BRWD1: variants seen among roughly 807,000 people sequenced by gnomAD.
BRWD1 encodes bromodomain and WD repeat domain containing 1, also known as bromodomain and WD repeat-containing protein 1.
Under a neutral mutation model 251.2 loss-of-function variants are expected in BRWD1, and 82 were observed. The ratio of observed to expected loss-of-function variants is 0.33; its 90% confidence interval spans 0.27 to 0.39. The LOEUF is 0.39. Among genes scored for constraint, BRWD1 ranks in the 10% least tolerant of loss-of-function variants. The pLI is 1.00. For missense variants in BRWD1, 2,233 were observed against 2,711.6 expected (o/e 0.82, Z 3.92); for synonymous variants, 918 against 902.8 (o/e 1.02, Z -0.30).
chr21:39,188,087 T>G lies in BRWD1; in HGVS notation c.*8172A>C, dbSNP rs1392833814. On this transcript the variant is annotated 3_prime_UTR_variant, in exon 41 of 41. Coordinates refer to ENST00000342449, the MANE Select transcript of BRWD1 (RefSeq NM_033656.4). Reference sequence around the variant, plus strand: ...AGCTACTACTCCGTGCTGACCAAACTTAGGAGGGCTCAGATATGTTTGTTA... The same window carrying G: ...AGCTACTACTCCGTGCTGACCAAACGTAGGAGGGCTCAGATATGTTTGTTA... The G allele has an allele frequency of 1.0e-6, 1 of 985,286 alleles. No individual in the cohort carries two copies. Among genetic ancestry groups the G allele is most frequent in the Non-Finnish European group, 1.2e-6 (1 of 829,936 alleles). The allele number at this position is 985,286 out of a possible 1,614,324, so 61.0% of individuals were successfully genotyped here. A position where few individuals can be genotyped will look rare whatever the true frequency, so the allele number is the denominator to read the frequency against.
chr21:39,207,553 C>T (rs774583505), intron 36 of BRWD1, among the ~76,000 whole-genome samples: 3 of 150,270 alleles, frequency 2.0e-5, no homozygotes, highest in African/African-American at 7.4e-5. Flanking sequence ...ACACTGCCAG[C>T]GGGAATGTAA....
chr21:39,276,531 C>T (rs1230354938), intron 11 of BRWD1, among the ~76,000 whole-genome samples: 2 of 152,116 alleles, frequency 1.3e-5, no homozygotes, highest in East Asian at 3.8e-4. Flanking sequence ...GTGGAAAGTG[C>T]TCAAAATATA....
intron 19 of BRWD1, among the ~76,000 whole-genome samples, chr21:39,251,377 A>C (rs1228935916): frequency 6.6e-6 from 1 of 152,198 alleles, no homozygotes; most frequent in East Asian, 1.9e-4. Flanking sequence ...AAAGCAAAGG[A>C]CCTGCCACCA....
rs1023422344 is a variant in BRWD1, at chr21:39,188,598, A to G, written c.*7661T>C. ...GACTGAAGGGCAGATGAGTACAGGT[A>G]AAAACTGCTTCTGTGGACTGACATG... On this transcript the variant is annotated 3_prime_UTR_variant, in exon 41 of 41. Coordinates refer to ENST00000342449, the MANE Select transcript of BRWD1 (RefSeq NM_033656.4). 57 of 985,310 alleles carry G rather than the reference A, an allele frequency of 5.8e-5. No homozygotes were observed. In the African/African-American group the frequency reaches 8.6e-4, roughly 15 times the overall value. The allele number at this position is 985,310 out of a possible 1,614,324, so 61.0% of individuals were successfully genotyped here.
Position 39,313,608 on chromosome 21 carries a change from C to T in BRWD1, c.-117G>A, listed in dbSNP as rs1180809812. Reference sequence around the variant, plus strand: ...AGGCGCGCGCCGCCGCCGCCGCCGCCGCCGCCATACCGTGCGCGCCGCCTG... The same window carrying T: ...AGGCGCGCGCCGCCGCCGCCGCCGCTGCCGCCATACCGTGCGCGCCGCCTG... On this transcript the variant is annotated 5_prime_UTR_variant, in exon 1 of 41. Transcript: ENST00000342449. The T allele has an allele frequency of 2.9e-5, 24 of 825,946 alleles. No individual in the cohort carries two copies. In the East Asian group the frequency reaches 8.3e-4, roughly 28 times the overall value. The allele number at this position is 825,946 out of a possible 1,614,324, so 51.2% of individuals were successfully genotyped here.
chr21:39,280,028 T>C (rs2035407902), intron 9 of BRWD1, 120 bp downstream of exon 9: 2 of 675,906 alleles, frequency 3.0e-6, no homozygotes, highest in Non-Finnish European at 4.8e-6. Flanking sequence ...AAAAATTAAG[T>C]TCAAAGGTTA....
rs536873358 is a variant in BRWD1 at position 39,280,233 on chromosome 21, T to G, written c.847A>C (p.Lys283Gln). 1 of 1,606,210 alleles carries G rather than the reference T, an allele frequency of 6.2e-7. No individual in the cohort carries two copies. The highest frequency in any genetic ancestry group is 1.1e-5 in the South Asian group (1 of 89,086). The change falls in exon 9 of 41, where the codon AAA becomes CAA. Residue 283 changes from lysine (K) to glutamine (Q), a missense_variant. By Grantham distance (53) the Lys-to-Gln change is moderately conservative (BLOSUM62 1). Around this residue, in one of 12 missense-constraint regions of BRWD1, gnomAD observed 185 missense variants for 260.6 expected, o/e 0.71. Transcript: ENST00000342449. ...GAAACCATGTATCTTTGAGAGCCTT[T>G]GGCCATCGGGCTAAACTAAAAAGTA... Reference protein sequence around the residue: ...ITSLQFSPMAKGSQRYMVSTG... With the variant: ...ITSLQFSPMAQGSQRYMVSTG...
rs2031502415 is a variant in BRWD1, at chr21:39,190,620, C to G, written c.*5639G>C. On this transcript the variant is annotated 3_prime_UTR_variant, in exon 41 of 41. Coordinates refer to ENST00000342449, the MANE Select transcript of BRWD1 (RefSeq NM_033656.4). ...CTTCATTGATAAGCAATGAAATGAC[C>G]CCAAAACTCAGAAAGCAAATAACAT... is the stretch of plus-strand genomic sequence containing the variant. 1.0e-6 allele frequency: 1 copy of G among 985,184 alleles called. No homozygotes were observed. Among genetic ancestry groups the G allele is most frequent in the Non-Finnish European group, 1.2e-6 (1 of 829,886 alleles). 61.0% of individuals were successfully genotyped at this position (985,184 alleles called of 1,614,324 possible).
At position 39,264,693 on chromosome 21, in the gene BRWD1, A is replaced by G. The variant is rs1267658737; in HGVS notation, c.1660-8T>C. On this transcript the variant is annotated splice_region_variant and splice_polypyrimidine_tract_variant and intron_variant, in intron 16 of 40. Transcript: ENST00000342449. ...GAACATCTGATCAGGAATCTAGAAAAATGAAGTTCACAGGATGACATTTTA... is the reference window on the plus strand; with the variant it reads ...GAACATCTGATCAGGAATCTAGAAAGATGAAGTTCACAGGATGACATTTTA... The G allele has an allele frequency of 6.3e-7, 1 of 1,583,922 alleles. No homozygotes were observed. The highest frequency in any genetic ancestry group is 8.6e-7 in the Non-Finnish European group (1 of 1,160,636).
chr21:39,246,909 C>T (rs1219205488), intron 21 of BRWD1, among the ~76,000 whole-genome samples: 1 of 152,130 alleles, frequency 6.6e-6, no homozygotes, highest in Non-Finnish European at 1.5e-5. Context: ...GGTGAAAACC[C>T]CTTCTCTACT....
At chr21:39,238,245 A>G (rs1267540960) in intron 22 of BRWD1, among the ~76,000 whole-genome samples, 1 of 150,836 alleles carries the variant, frequency 6.6e-6, no homozygotes, top group African/African-American at 2.4e-5. Context: ...TTATATTTTC[A>G]GTATGCATGT....
intron 8 of BRWD1, among the ~76,000 whole-genome samples, chr21:39,292,258 T>C (rs1428680733): frequency 6.6e-6 from 1 of 152,124 alleles, no homozygotes; most frequent in Non-Finnish European, 1.5e-5. Flanking sequence ...GCACAAGTCT[T>C]AATAAATCTC....
intron 15 of BRWD1, among the ~76,000 whole-genome samples, chr21:39,267,083 A>C (rs2034946046): frequency 6.6e-6 from 1 of 152,230 alleles, no homozygotes; most frequent in Non-Finnish European, 1.5e-5. Context: ...AAAATTGTCC[A>C]AGAATGTTTA....
At chr21:39,298,392 C>T in intron 5 of BRWD1, 40 bp downstream of exon 5, 1 of 1,516,054 alleles carries the variant, frequency 6.6e-7, no homozygotes. Context: ...AATTATTAGG[C>T]TATTAATACA....
chr21:39,313,341 G>A (rs369713634), intron 1 of BRWD1, 42 bp from the exon 2 acceptor site: 5 of 1,510,136 alleles, frequency 3.3e-6, no homozygotes, highest in Non-Finnish European at 4.5e-6. Flanking sequence ...CGGCGGGGAG[G>A]GGAGGGGGAC....
At position 39,258,571 on chromosome 21, in the gene BRWD1, G is replaced by C. The variant is rs1270028139; in HGVS notation, c.1987C>G (p.Gln663Glu). Reference sequence around the variant, plus strand: ...CCCATTCTCTGATCTTGCTGCTGCTGCAACTGTCTTATCATTCCATCAAGA... The same window carrying C: ...CCCATTCTCTGATCTTGCTGCTGCTCCAACTGTCTTATCATTCCATCAAGA... ...SILDGMIRQL[Q>E]QQQDQRMGAD... Residue 663 changes from glutamine to glutamate, a missense_variant, in exon 18 of 41, where the codon CAG becomes GAG. This residue lies in a region of BRWD1 where 73 missense variants were observed against 68.1 expected (regional missense o/e 1.07). Coordinates refer to ENST00000342449, the MANE Select transcript of BRWD1 (RefSeq NM_033656.4). 6.2e-7 allele frequency: 1 copy of C among 1,613,392 alleles called. No homozygotes were observed.
At position 39,193,029 on chromosome 21, in the gene BRWD1, G is replaced by A. The variant is rs2146444803; in HGVS notation, c.*3230C>T. 1 of 985,136 alleles carries A rather than the reference G, an allele frequency of 1.0e-6. No individual in the cohort carries two copies. The highest frequency in any genetic ancestry group is 5.2e-4 in the Middle Eastern group (1 of 1,914). The allele number at this position is 985,136 out of a possible 1,614,324, so 61.0% of individuals were successfully genotyped here. On this transcript the variant is annotated 3_prime_UTR_variant, in exon 41 of 41. Coordinates refer to ENST00000342449, the MANE Select transcript of BRWD1 (RefSeq NM_033656.4). ...GGTCATAACGAGTGCAAAGGGCTTAGTGATGCATCTTATTCTTTACTTTTG... is the reference window on the plus strand; with the variant it reads ...GGTCATAACGAGTGCAAAGGGCTTAATGATGCATCTTATTCTTTACTTTTG...
At chr21:39,310,162 A>C (rs1202159639) in intron 4 of BRWD1, among the ~76,000 whole-genome samples, 2 of 152,232 alleles carry the variant, frequency 1.3e-5, no homozygotes, top group Non-Finnish European at 2.9e-5. Context: ...AGTTTCTTAA[A>C]ACATATGTAT....
rs2031619341 is a variant in BRWD1 at position 39,192,779 on chromosome 21, T to G, written c.*3480A>C. ...AAAACAAAAAAGATCGTAAGCACCT[T>G]TAACAATGTTCTTGCATTCTACTGA... On this transcript the variant is annotated 3_prime_UTR_variant, in exon 41 of 41. Transcript: ENST00000342449. The G allele has an allele frequency of 1.0e-6, 1 of 985,082 alleles. No homozygotes were observed. The highest frequency in any genetic ancestry group is 1.7e-5 in the African/African-American group (1 of 57,224). 61.0% of individuals were successfully genotyped at this position (985,082 alleles called of 1,614,324 possible).
Sources: allele counts gnomAD v4.1 joint callset (sites outside exome capture counted in the v4.1 genomes callset), GRCh38; gene constraint gnomAD v4.1.1; regional missense constraint gnomAD v4.1.1; transcripts MANE v1.5; gene names NCBI Gene and HGNC (gene_info 2026-07-23, HGNC 2026-07-21).